The following SLC24A2 variants were observed in gnomAD, a reference collection of about 807,000 sequenced individuals.
The protein encoded by SLC24A2 is solute carrier family 24 member 2, also known as sodium/potassium/calcium exchanger 2.
In SLC24A2, 36 loss-of-function variants were observed where a neutral mutation model predicts 62.0. The observed-to-expected ratio is 0.58, with a 90% CI of 0.44 to 0.77. The LOEUF (loss-of-function observed/expected upper bound fraction) is 0.77. Ranked by LOEUF, SLC24A2 falls within the 30% of genes least tolerant of loss-of-function variation. The probability of loss-of-function intolerance (pLI) is 0.00; values close to 1 mark genes in which losing one functional copy is unlikely to be tolerated. For missense variants in SLC24A2, 846 were observed against 817.9 expected (o/e 1.03, Z -0.42); for synonymous variants, 358 against 294.0 (o/e 1.22, Z -2.23).
intron 2 of SLC24A2, among the ~76,000 whole-genome samples, chr9:19,764,499 G>A (rs371247041): frequency 3.3e-5 from 5 of 152,242 alleles, no homozygotes; most frequent in African/African-American, 1.2e-4. Context: ...CTGGTACATT[G>A]TGTCTTTGTT....
Position 19,655,889 on chromosome 9 carries a change from G to A in SLC24A2, c.931-33590C>T, listed in dbSNP as rs192999708. ...CTGGTGATGTCTTCCACAGGTATGG[G>A]AGAAGGGCACCGTGGCTTGACAATC... On this transcript the variant is annotated intron_variant, in intron 2 of 10. Coordinates refer to ENST00000341998, the MANE Select transcript of SLC24A2 (RefSeq NM_020344.4). Among the ~76,000 whole-genome samples, 5 of 152,228 alleles carry A rather than the reference G, an allele frequency of 3.3e-5. No homozygotes were observed. In the East Asian group the frequency reaches 5.8e-4, roughly 18 times the overall value.
chr9:20,218,415 C>G, the SLC24A2 span, among the ~76,000 whole-genome samples: 1 of 152,134 alleles, frequency 6.6e-6, no homozygotes, highest in Non-Finnish European at 1.5e-5. Context: ...CCATAAAACA[C>G]TTTCACCACC....
chr9:19,945,282 C>T, the SLC24A2 span, among the ~76,000 whole-genome samples: 1 of 152,010 alleles, frequency 6.6e-6, no homozygotes, highest in African/African-American at 2.4e-5. Flanking sequence ...AATATACACT[C>T]CCTCCTTAGC....
At chr9:19,628,480 C>T (rs371148141) in intron 2 of SLC24A2, among the ~76,000 whole-genome samples, 2 of 152,194 alleles carry the variant, frequency 1.3e-5, no homozygotes, top group Non-Finnish European at 2.9e-5. Flanking sequence ...ATTAACAACC[C>T]GACTACCCCT....
chr9:20,024,014 C>T, the SLC24A2 span, among the ~76,000 whole-genome samples: 1 of 152,154 alleles, frequency 6.6e-6, no homozygotes, highest in Admixed American at 6.5e-5. Flanking sequence ...TAATTAGCTG[C>T]ATTTCCACGG....
the SLC24A2 span, among the ~76,000 whole-genome samples, chr9:19,850,520 A>G: frequency 6.6e-6 from 1 of 152,218 alleles, no homozygotes; most frequent in East Asian, 1.9e-4. Flanking sequence ...GTACAATTCA[A>G]TGATTCTTGG....
the SLC24A2 span, among the ~76,000 whole-genome samples, chr9:19,939,064 T>G: frequency 2.8e-4 from 42 of 152,262 alleles, no homozygotes; most frequent in Non-Finnish European, 5.6e-4. Context: ...TTATGGCAGA[T>G]CACACAGATA....
the SLC24A2 span, among the ~76,000 whole-genome samples, chr9:20,211,995 G>A: frequency 6.6e-6 from 1 of 151,688 alleles, no homozygotes; most frequent in Non-Finnish European, 1.5e-5. Context: ...GAAATAACAA[G>A]GAAACCTAAA....
chr9:19,930,788 GC>G, the SLC24A2 span, among the ~76,000 whole-genome samples: 2 of 152,230 alleles, frequency 1.3e-5, no homozygotes, highest in Non-Finnish European at 2.9e-5. Flanking sequence ...GAAACAGGGT[GC>G]CAGAGACTTG....
At chr9:19,673,468 A>T (rs1481652203) in intron 2 of SLC24A2, among the ~76,000 whole-genome samples, 2 of 126,338 alleles carry the variant, frequency 1.6e-5, no homozygotes, top group African/African-American at 5.2e-5. Context: ...TGTGTGTTTG[A>T]GACACAGTCT....
At chr9:19,642,408 G>A (rs1818523010) in intron 2 of SLC24A2, among the ~76,000 whole-genome samples, 1 of 152,168 alleles carries the variant, frequency 6.6e-6, no homozygotes, top group African/African-American at 2.4e-5. Context: ...ACAAAGCTCA[G>A]CTGGAGCTCA....
At chr9:19,733,562 C>A (rs1342290061) in intron 2 of SLC24A2, among the ~76,000 whole-genome samples, 1 of 152,182 alleles carries the variant, frequency 6.6e-6, no homozygotes, top group Non-Finnish European at 1.5e-5. Flanking sequence ...AGGATTTGCA[C>A]AGGTGTTCAG....
At chr9:19,997,925 T>C in the SLC24A2 span, among the ~76,000 whole-genome samples, 1 of 152,182 alleles carries the variant, frequency 6.6e-6, no homozygotes, top group Admixed American at 6.5e-5. Context: ...GCATTAATTT[T>C]CTCTGGCTCT....
At chr9:20,297,435 A>G in the SLC24A2 span, among the ~76,000 whole-genome samples, 1 of 152,190 alleles carries the variant, frequency 6.6e-6, no homozygotes, top group Non-Finnish European at 1.5e-5. Flanking sequence ...GGGGATGGAA[A>G]CCAGGGGAAG....
chr9:19,595,344 T>C (rs1388642693), intron 5 of SLC24A2, among the ~76,000 whole-genome samples: 1 of 152,234 alleles, frequency 6.6e-6, no homozygotes, highest in African/African-American at 2.4e-5. Flanking sequence ...CATTTCACTT[T>C]TAAAATGCTG....
chr9:19,597,447 GC>G (rs890691980), intron 4 of SLC24A2, among the ~76,000 whole-genome samples, 168 bp from the exon 5 acceptor site: 1 of 152,224 alleles, frequency 6.6e-6, no homozygotes, highest in African/African-American at 2.4e-5. Context: ...AGCTTTCACG[GC>G]CCATTTTCAG....
At chr9:20,301,808 G>A in the SLC24A2 span, among the ~76,000 whole-genome samples, 1 of 152,066 alleles carries the variant, frequency 6.6e-6, no homozygotes, top group Non-Finnish European at 1.5e-5. Context: ...CATTCTGTGG[G>A]TCAGAACAAA....
chr9:19,813,317 C>CTTTTTTTTT, the SLC24A2 span, among the ~76,000 whole-genome samples: 4 of 86,280 alleles, frequency 4.6e-5, no homozygotes, highest in East Asian at 3.6e-4. Flanking sequence ...TCATCTTCCT[C>CTTTTTTTTT]TTTTTTTTTT....
chr9:19,907,939 C>T, the SLC24A2 span, among the ~76,000 whole-genome samples: 69 of 152,244 alleles, frequency 4.5e-4, 2 homozygotes, highest in South Asian at 0.011. Context: ...AATGCCATCC[C>T]CATCAAGCTA....
Sources: gnomAD v4.1 joint callset for allele counts (sites outside exome capture counted in the v4.1 genomes callset) on GRCh38, gnomAD v4.1.1 for gene constraint, MANE v1.5 for transcripts, NCBI Gene and HGNC (gene_info 2026-07-23, HGNC 2026-07-21) for gene names.